Variants in SH3PXD2A observed in about 807,000 individuals in gnomAD.
SH3PXD2A encodes the protein SH3 and PX domain-containing protein 2A.
A neutral mutation model predicts 115.2 loss-of-function variants in SH3PXD2A; 32 were observed. The observed-to-expected ratio is 0.28, with a 90% CI of 0.21 to 0.37. The LOEUF (loss-of-function observed/expected upper bound fraction) is 0.37. SH3PXD2A is among the 10% of genes least tolerant of loss of function. SH3PXD2A has a pLI of 1.00. For missense variants in SH3PXD2A, 1,328 were observed against 1,498.7 expected (o/e 0.89, Z 1.88); for synonymous variants, 610 against 629.1 (o/e 0.97, Z 0.45).
intron 1 of SH3PXD2A, among the ~76,000 whole-genome samples, chr10:103,809,241 C>T (rs549494232): frequency 1.3e-4 from 20 of 152,288 alleles, no homozygotes; most frequent in Non-Finnish European, 2.9e-4. Context: ...AGGGTGACCT[C>T]CATGGTAGTA....
intron 2 of SH3PXD2A, among the ~76,000 whole-genome samples, chr10:103,786,571 CTGAGAGGATTG>C (rs2038983203): frequency 6.6e-6 from 1 of 152,124 alleles, no homozygotes; most frequent in African/African-American, 2.4e-5. Context: ...GGAAGCTGAG[CTGAGAGGATTG>C]CTTGAACCCA....
chr10:103,661,224 C>T (rs918957345), intron 7 of SH3PXD2A, 110 bp from the exon 8 acceptor site: 6 of 1,329,068 alleles, frequency 4.5e-6, no homozygotes, highest in Non-Finnish European at 6.0e-6. Flanking sequence ...TCGCCAGCGC[C>T]GCTCCCAGGG....
chr10:103,754,138 AATGGTT>A (rs1260649833), intron 3 of SH3PXD2A: 3 of 152,224 alleles, frequency 2.0e-5, no homozygotes, highest in Non-Finnish European at 4.4e-5. Flanking sequence ...TTAGGTCTGC[AATGGTT>A]ATTTTATATA....
At chr10:103,764,487 T>G (rs9665617) in intron 3 of SH3PXD2A, among the ~76,000 whole-genome samples, 1 of 152,056 alleles carries the variant, frequency 6.6e-6, no homozygotes, top group Non-Finnish European at 1.5e-5. Context: ...TCACTCCTCC[T>G]GACAACATCA....
intron 6 of SH3PXD2A, among the ~76,000 whole-genome samples, chr10:103,689,723 G>C (rs1289832083): frequency 6.6e-6 from 1 of 152,070 alleles, no homozygotes; most frequent in Non-Finnish European, 1.5e-5. Context: ...CAATGGGGTG[G>C]ATGGTGCCAG....
At chr10:103,710,403 A>G (rs1366731766) in intron 5 of SH3PXD2A, among the ~76,000 whole-genome samples, 1 of 152,158 alleles carries the variant, frequency 6.6e-6, no homozygotes. Context: ...AAAAAATGTA[A>G]ATCGCTTAGA....
chr10:103,668,480 C>G (rs368633969), intron 7 of SH3PXD2A, 128 bp downstream of exon 7: 22 of 817,928 alleles, frequency 2.7e-5, no homozygotes, highest in East Asian at 1.1e-4. Flanking sequence ...TGGCAGACCC[C>G]CTGCCATGCT....
chr10:103,667,109 C>T (rs938244535), intron 7 of SH3PXD2A, among the ~76,000 whole-genome samples: 6 of 152,172 alleles, frequency 3.9e-5, no homozygotes, highest in African/African-American at 1.4e-4. Context: ...TCAAAGAACC[C>T]TCCAACCCTC....
Position 103,605,923 on chromosome 10 carries a change from G to A in SH3PXD2A, c.1309-6C>T, listed in dbSNP as rs1481072304. 1 of 1,613,952 alleles carries A rather than the reference G, an allele frequency of 6.2e-7. No homozygotes were observed. ...GGCTTTGGCAGTTGGAACCCCTAAG[G>A]TTAAGGAACACACAGTGGGCAAAAC... On this transcript the variant is annotated splice_region_variant and splice_polypyrimidine_tract_variant and intron_variant, in intron 13 of 14. Transcript: ENST00000369774.
At chr10:103,798,027 C>T (rs1030212436) in intron 2 of SH3PXD2A, among the ~76,000 whole-genome samples, 3 of 152,082 alleles carry the variant, frequency 2.0e-5, no homozygotes, top group Non-Finnish European at 4.4e-5. Flanking sequence ...ACGTGGTTCC[C>T]GGGCTGTGTG....
At chr10:103,760,847 T>G (rs1461240886) in intron 3 of SH3PXD2A, among the ~76,000 whole-genome samples, 1 of 152,202 alleles carries the variant, frequency 6.6e-6, no homozygotes, top group Non-Finnish European at 1.5e-5. Flanking sequence ...TATGAGCCAC[T>G]GTGCCCAGCC....
intron 4 of SH3PXD2A, among the ~76,000 whole-genome samples, chr10:103,724,887 A>G (rs2038222287): frequency 1.3e-5 from 2 of 152,168 alleles, no homozygotes. Context: ...CCTTCTGCAC[A>G]CAGAATAAGT....
At chr10:103,755,484 C>A in intron 3 of SH3PXD2A, 1 of 152,350 alleles carries the variant, frequency 6.6e-6, no homozygotes, top group South Asian at 2.0e-4. Context: ...AGACTGGTCT[C>A]GAACTCTTGA....
chr10:103,679,177 G>A (rs1171429952), intron 6 of SH3PXD2A, among the ~76,000 whole-genome samples: 3 of 152,204 alleles, frequency 2.0e-5, no homozygotes, highest in African/African-American at 7.2e-5. Context: ...GCCCCGTGCA[G>A]CACTTGTGAC....
intron 5 of SH3PXD2A, among the ~76,000 whole-genome samples, chr10:103,720,003 A>C (rs2038162801): frequency 6.6e-6 from 1 of 152,124 alleles, no homozygotes; most frequent in South Asian, 2.1e-4. Context: ...TACAGGCGTG[A>C]GCCACCGTGC....
Position 103,745,007 on chromosome 10 carries a change from T to A in SH3PXD2A, c.230-9199A>T, listed in dbSNP as rs185088867. On this transcript the variant is annotated intron_variant, in intron 3 of 14. Coordinates refer to ENST00000369774, the MANE Select transcript of SH3PXD2A (RefSeq NM_001394015.1). ...ATCCCATCCCAAACTCTGGGGCTGA[T>A]CATTAAGTACAGTCCAGCCATGGGC... Among the ~76,000 whole-genome samples, 13 of 152,340 alleles carry A rather than the reference T, an allele frequency of 8.5e-5. No homozygotes were observed. The East Asian group carries it at 2.5e-3, about 29-fold the overall frequency.
chr10:103,774,073 C>T (rs2038856061), intron 2 of SH3PXD2A, among the ~76,000 whole-genome samples: 1 of 152,096 alleles, frequency 6.6e-6, no homozygotes, highest in South Asian at 2.1e-4. Context: ...GTTCACAGGG[C>T]TTCTTGAATC....
intron 2 of SH3PXD2A, among the ~76,000 whole-genome samples, chr10:103,787,768 T>A (rs2038994425): frequency 6.6e-6 from 1 of 152,142 alleles, no homozygotes; most frequent in African/African-American, 2.4e-5. Context: ...TTCTTCCTGT[T>A]TGGCAAAAAA....
intron 12 of SH3PXD2A, 141 bp from the exon 13 acceptor site, chr10:103,611,771 A>C: frequency 2.8e-6 from 2 of 724,668 alleles, no homozygotes; most frequent in Non-Finnish European, 5.0e-6. Flanking sequence ...TTGACACTCT[A>C]AGTCACTATG....
Sources: allele counts gnomAD v4.1 joint callset (sites outside exome capture counted in the v4.1 genomes callset), GRCh38; gene constraint gnomAD v4.1.1; transcripts MANE v1.5; gene names NCBI Gene and HGNC (gene_info 2026-07-23, HGNC 2026-07-21).